DNAH5: variants seen among roughly 807,000 people sequenced by gnomAD.
The protein encoded by DNAH5 is axonemal beta dynein heavy chain 5.
Under a neutral mutation model 518.2 loss-of-function variants are expected in DNAH5, and 372 were observed. That is an observed-to-expected ratio of 0.72 (90% CI 0.66 to 0.78). The LOEUF is 0.78. Ranked by LOEUF, DNAH5 falls within the 30% of genes least tolerant of loss-of-function variation. The probability of loss-of-function intolerance (pLI) is 0.00; values close to 1 mark genes in which losing one functional copy is unlikely to be tolerated. For synonymous variants in DNAH5, 2,039 were observed against 2,025.9 expected (o/e 1.01, Z -0.17); for missense variants, 5,523 against 5,687.0 (o/e 0.97, Z 0.93).
In DNAH5 at chr5:13,695,023, CTGAG is replaced by C. The variant is rs1490056613; in HGVS notation, c.13724-2892_13724-2889del. On this transcript the variant is annotated intron_variant, in intron 78 of 78. Coordinates refer to ENST00000265104, the MANE Select transcript of DNAH5 (RefSeq NM_001369.3). ...CAAGATTAGAGAGCTATAGTGATAA[CTGAG>C]AATGAAACCTAGTCAGAATGGATCC... Among the ~76,000 whole-genome samples, 6 of 152,296 alleles carry C rather than the reference CTGAG, an allele frequency of 3.9e-5. No individual in the cohort carries two copies. The East Asian group carries it at 1.2e-3, about 29-fold the overall frequency.
intron 60 of DNAH5, among the ~76,000 whole-genome samples, chr5:13,762,485 G>A (rs1201352798): frequency 6.6e-6 from 1 of 152,156 alleles, no homozygotes; most frequent in East Asian, 1.9e-4. Context: ...TGGACCTGTA[G>A]GGAGCATCCT....
intron 1 of DNAH5, among the ~76,000 whole-genome samples, chr5:13,984,915 A>G (rs989610304): frequency 7.9e-5 from 12 of 152,188 alleles, no homozygotes; most frequent in Non-Finnish European, 1.8e-4. Context: ...TGACCCAGCC[A>G]TCCCATTACT....
At chr5:13,865,594 G>A in intron 27 of DNAH5, 74 bp downstream of exon 27, 1 of 913,996 alleles carries the variant, frequency 1.1e-6, no homozygotes, top group Non-Finnish European at 1.8e-6. Flanking sequence ...GGTGAAAAGA[G>A]AACTTGGCTG....
At chr5:13,921,482 CACACACACACACA>C (rs1777280974) in intron 5 of DNAH5, among the ~76,000 whole-genome samples, 9 of 134,498 alleles carry the variant, frequency 6.7e-5, no homozygotes, top group East Asian at 2.1e-4. Context: ...CTCTCACACA[CACACACACACACA>C]CACACACACA....
chr5:13,783,474 T>C (rs1336920182), intron 52 of DNAH5, among the ~76,000 whole-genome samples: 1 of 152,106 alleles, frequency 6.6e-6, no homozygotes, highest in African/African-American at 2.4e-5. Flanking sequence ...CAAGGTAGTA[T>C]ATGGGTGGGG....
chr5:13,938,701 G>T (rs1422714737), intron 1 of DNAH5, among the ~76,000 whole-genome samples: 4 of 152,086 alleles, frequency 2.6e-5, no homozygotes, highest in Non-Finnish European at 4.4e-5. Context: ...CATGGTTAAA[G>T]TTCCTTATCT....
chr5:13,872,978 G>C (rs1770345407), intron 22 of DNAH5, among the ~76,000 whole-genome samples: 1 of 152,110 alleles, frequency 6.6e-6, no homozygotes, highest in Non-Finnish European at 1.5e-5. Flanking sequence ...CTTCAGAAGG[G>C]AGGGCTATGA....
Position 13,885,995 on chromosome 5 carries a change from C to A in DNAH5, c.2712G>T (p.Glu904Asp), listed in dbSNP as rs1470538037. Residue 904 changes from glutamate to aspartate, a missense_variant, in exon 18 of 79, where the codon GAG (glutamate) becomes GAT (aspartate). Physicochemically the swap from Glu to Asp is conservative, Grantham distance 45. Coordinates refer to ENST00000265104, the MANE Select transcript of DNAH5 (RefSeq NM_001369.3). Reference sequence around the variant, plus strand: ...TTTCATTTTTGTAATTAACACTATTCTCATTGGATATTTTTTCACTTTCTT... The same window carrying A: ...TTTCATTTTTGTAATTAACACTATTATCATTGGATATTTTTTCACTTTCTT... ...SEEESEKISN[E>D]NSVNYKNESS... The A allele has an allele frequency of 6.2e-7, 1 of 1,612,828 alleles. No homozygotes were observed.
intron 18 of DNAH5, 56 bp downstream of exon 18, chr5:13,885,908 T>C: frequency 6.6e-7 from 1 of 1,511,690 alleles, no homozygotes. Flanking sequence ...AATGCAGTTT[T>C]AGTTTTTAGT....
At chr5:13,801,473 A>G (rs1371910131) in intron 47 of DNAH5, among the ~76,000 whole-genome samples, 2 of 152,224 alleles carry the variant, frequency 1.3e-5, no homozygotes, top group Admixed American at 6.5e-5. Context: ...AGACTAACAT[A>G]AACCCCTACT....
At chr5:13,971,953 T>C (rs768831516) in intron 1 of DNAH5, among the ~76,000 whole-genome samples, 1 of 152,118 alleles carries the variant, frequency 6.6e-6, no homozygotes, top group Non-Finnish European at 1.5e-5. Context: ...GGGGCAGTGT[T>C]AGGCGTGTCT....
At chr5:13,913,493 T>C (rs1561559069) in intron 11 of DNAH5, among the ~76,000 whole-genome samples, 1 of 152,136 alleles carries the variant, frequency 6.6e-6, no homozygotes, top group Non-Finnish European at 1.5e-5. Context: ...ATGAAAATGC[T>C]TTTTTAATGG....
chr5:14,000,947 G>A (rs973644751), intron 1 of DNAH5, among the ~76,000 whole-genome samples: 1 of 152,154 alleles, frequency 6.6e-6, no homozygotes, highest in African/African-American at 2.4e-5. Context: ...TACACTCCAT[G>A]GAATACTACA....
chr5:13,737,561 G>C (rs1429777820), intron 65 of DNAH5, 66 bp from the exon 66 acceptor site: 3 of 1,526,606 alleles, frequency 2.0e-6, no homozygotes, highest in African/African-American at 1.4e-5. Flanking sequence ...TCCTTAAGAC[G>C]TTAACCTACA....
chr5:13,890,670 T>C (rs886144584), intron 17 of DNAH5, among the ~76,000 whole-genome samples: 1 of 152,246 alleles, frequency 6.6e-6, no homozygotes, highest in East Asian at 1.9e-4. Flanking sequence ...CCCTAGCTTA[T>C]GAGAAGCACT....
Position 13,841,917 on chromosome 5 carries a change from C to CAAAAAAAAAAAAAAAAAAAAA in DNAH5, c.5272-14_5272-13insTTTTTTTTTTTTTTTTTTTTT. On this transcript the variant is annotated splice_polypyrimidine_tract_variant and intron_variant, in intron 32 of 78. Coordinates refer to ENST00000265104, the MANE Select transcript of DNAH5 (RefSeq NM_001369.3). ...TTCGATCATAGATCTATGTTAGAAA[C>CAAAAAAAAAAAAAAAAAAAAA]CAAAAAAAAAAAAAAAAAAAGCTAT... 1 of 436,920 alleles carries CAAAAAAAAAAAAAAAAAAAAA rather than the reference C, an allele frequency of 2.3e-6. No homozygotes were observed. Among genetic ancestry groups the CAAAAAAAAAAAAAAAAAAAAA allele is most frequent in the Non-Finnish European group, 3.2e-6 (1 of 314,936 alleles). The allele number at this position is 436,920 out of a possible 1,614,324, so 27.1% of individuals were successfully genotyped here. A position where few individuals can be genotyped will look rare whatever the true frequency, so the allele number is the denominator to read the frequency against.
chr5:13,974,880 A>G (rs1474287409), intron 1 of DNAH5, among the ~76,000 whole-genome samples: 1 of 152,102 alleles, frequency 6.6e-6, no homozygotes, highest in Non-Finnish European at 1.5e-5. Context: ...AGCCATGGAA[A>G]GCTGGTATCG....
At chr5:13,710,190 G>A (rs900465658) in intron 75 of DNAH5, among the ~76,000 whole-genome samples, 4 of 152,098 alleles carry the variant, frequency 2.6e-5, no homozygotes, top group Non-Finnish European at 5.9e-5. Flanking sequence ...GACTTGCTGG[G>A]TGGCTAGACC....
At chr5:13,708,806 T>C (rs1402630373) in intron 75 of DNAH5, among the ~76,000 whole-genome samples, 1 of 152,222 alleles carries the variant, frequency 6.6e-6, no homozygotes, top group Non-Finnish European at 1.5e-5. Context: ...CCCCCAACCA[T>C]TCATTATCAT....
Sources: gnomAD v4.1 joint callset for allele counts (sites outside exome capture counted in the v4.1 genomes callset) on GRCh38, gnomAD v4.1.1 for gene constraint, MANE v1.5 for transcripts, NCBI Gene and HGNC (gene_info 2026-07-23, HGNC 2026-07-21) for gene names.